Variants in AGO3 observed in about 807,000 individuals in gnomAD.
AGO3 encodes argonaute RISC catalytic component 3, also known as protein argonaute-3.
AGO3 carries 16 observed loss-of-function variants against 105.5 expected under a neutral mutation model. The ratio of observed to expected loss-of-function variants is 0.15; its 90% CI spans 0.10 to 0.23. AGO3 has a LOEUF of 0.23. Among genes scored for constraint, AGO3 ranks in the 10% least tolerant of loss-of-function variants. The pLI is 1.00. For synonymous variants in AGO3, 340 were observed against 367.3 expected (o/e 0.93, Z 0.85); for missense variants, 534 against 1,088.0 (o/e 0.49, Z 7.16).
chr1:35,976,763 C>T (rs1646963166), intron 5 of AGO3, among the ~76,000 whole-genome samples: 1 of 152,060 alleles, frequency 6.6e-6, no homozygotes, highest in African/African-American at 2.4e-5. Context: ...TTAATTGATG[C>T]TGGATTCTGT....
At chr1:35,945,127 G>A (rs1646337517) in intron 1 of AGO3, among the ~76,000 whole-genome samples, 1 of 151,946 alleles carries the variant, frequency 6.6e-6, no homozygotes. Context: ...TACTTACCTT[G>A]TCAAATAATC....
In AGO3 at chr1:36,057,241, T is replaced by A. The variant is rs1167844777; in HGVS notation, c.*1496T>A. The A allele has an allele frequency of 1.3e-5, 2 of 151,842 alleles. No homozygotes were observed. Among genetic ancestry groups the A allele is most frequent in the Non-Finnish European group, 2.9e-5 (2 of 68,022 alleles). The allele number at this position is 151,842 out of a possible 1,614,324, so 9.4% of individuals were successfully genotyped here. On this transcript the variant is annotated 3_prime_UTR_variant, in exon 19 of 19. Transcript: ENST00000373191. ...TCTGTAGGGTTGAGACCTCTGAAAT[T>A]GAGTAGAGAGAAGAGTTTGTTGAGG...
chr1:35,975,980 C>T (rs557470855), intron 5 of AGO3, among the ~76,000 whole-genome samples: 1 of 150,118 alleles, frequency 6.7e-6, no homozygotes, highest in South Asian at 2.1e-4. Context: ...CAGAGTTTCG[C>T]TCTGGAGTAC....
chr1:36,025,167 C>G (rs1427558089), intron 11 of AGO3, among the ~76,000 whole-genome samples: 1 of 152,082 alleles, frequency 6.6e-6, no homozygotes, highest in African/African-American at 2.4e-5. Flanking sequence ...TACCTCAGGC[C>G]ATTTCAGAAT....
chr1:36,005,784 T>C (rs1640308809), intron 6 of AGO3: 2 of 985,202 alleles, frequency 2.0e-6, no homozygotes, highest in Non-Finnish European at 2.4e-6. Context: ...GATCTTAACT[T>C]CAACTGCTCA....
intron 1 of AGO3, 125 bp downstream of exon 1, chr1:35,931,570 G>GC (rs1406217073): frequency 5.6e-6 from 6 of 1,070,568 alleles, no homozygotes; most frequent in Non-Finnish European, 7.4e-6. Context: ...TCGGTCTCCC[G>GC]CCCCTCGCCC....
Position 36,013,897 on chromosome 1 carries a change from T to A in AGO3, c.1273-18T>A. On this transcript the variant is annotated intron_variant, in intron 10 of 18. Transcript: ENST00000373191. ...TTTTTGTTCTTTTTCACCATGTTAT[T>A]TTTTTCTCCTCGTGTAGAATCGGAC... is the stretch of plus-strand genomic sequence containing the variant. 6.2e-7 allele frequency: 1 copy of A among 1,602,358 alleles called. No homozygotes were observed. The highest frequency in any genetic ancestry group is 8.5e-7 in the Non-Finnish European group (1 of 1,173,874).
chr1:35,996,260 G>A (rs748926860), intron 5 of AGO3, among the ~76,000 whole-genome samples: 3 of 151,598 alleles, frequency 2.0e-5, no homozygotes, highest in Non-Finnish European at 4.4e-5. Context: ...AGGAGTTAGA[G>A]GTTGCAGTAA....
intron 11 of AGO3, among the ~76,000 whole-genome samples, chr1:36,026,380 T>C (rs910153024): frequency 2.0e-5 from 3 of 152,106 alleles, no homozygotes; most frequent in Non-Finnish European, 2.9e-5. Flanking sequence ...ATTGCTGGGA[T>C]TATAGGTGTG....
chr1:36,007,699 A>G (rs938840063), intron 6 of AGO3, among the ~76,000 whole-genome samples: 4 of 152,146 alleles, frequency 2.6e-5, no homozygotes, highest in African/African-American at 9.7e-5. Context: ...ACTAAAAAAA[A>G]AAAACCTAAA....
At chr1:35,982,947 G>A (rs1647080639) in intron 5 of AGO3, 1 of 278,118 alleles carries the variant, frequency 3.6e-6, no homozygotes. Flanking sequence ...GAACCAGTAC[G>A]AAGTATAGAG....
At chr1:36,025,486 C>T (rs960068852) in intron 11 of AGO3, among the ~76,000 whole-genome samples, 3 of 149,052 alleles carry the variant, frequency 2.0e-5, no homozygotes, top group African/African-American at 5.0e-5. Context: ...ATTTGTTATT[C>T]GCAGCTTGAA....
chr1:36,042,567 C>T (rs901789161), intron 16 of AGO3, among the ~76,000 whole-genome samples: 4 of 152,090 alleles, frequency 2.6e-5, no homozygotes, highest in Non-Finnish European at 5.9e-5. Flanking sequence ...CAGTCACTCA[C>T]GTGGCAAAAA....
At position 36,055,802 on chromosome 1, in the gene AGO3, TA is replaced by T; in HGVS notation, c.*58del. The T allele has an allele frequency of 3.2e-6, 5 of 1,573,414 alleles. No individual in the cohort carries two copies. Among genetic ancestry groups the T allele is most frequent in the South Asian group, 1.1e-5 (1 of 89,634 alleles). Reference sequence around the variant, plus strand: ...CTGAAAGATGAATTGACATACAACGTATGTTTCCAGTGAAGTCAATTGAGTA... The same window carrying T: ...CTGAAAGATGAATTGACATACAACGTTGTTTCCAGTGAAGTCAATTGAGTA... On this transcript the variant is annotated 3_prime_UTR_variant, in exon 19 of 19. Transcript: ENST00000373191. This position sits in a 1 kb window ranked among gnomAD's most constrained non-coding sequence, Gnocchi z 4.4.
At chr1:35,990,534 T>C (rs545621168) in intron 5 of AGO3, among the ~76,000 whole-genome samples, 2 of 152,302 alleles carry the variant, frequency 1.3e-5, no homozygotes, top group African/African-American at 4.8e-5. Flanking sequence ...TTGTTTACTG[T>C]TACTTTTCAG....
At chr1:35,943,601 CTTT>C (rs59873910) in intron 1 of AGO3, among the ~76,000 whole-genome samples, 53 of 123,396 alleles carry the variant, frequency 4.3e-4, no homozygotes, top group East Asian at 2.4e-3. Context: ...ACCCCCAGCC[CTTT>C]TTTTTTTTTT....
rs141978570 is a variant in AGO3 at position 35,993,738 on chromosome 1, C to CTTTTTTTT, written c.659-10584_659-10577dup. 1.5e-3 allele frequency among the ~76,000 whole-genome samples: 139 copies of CTTTTTTTT among 90,780 alleles called. 2 individuals carry two copies. Among genetic ancestry groups the CTTTTTTTT allele is most frequent in the African/African-American group, 6.5e-3 (130 of 19,850 alleles). 59.6% of individuals were successfully genotyped at this position (90,780 alleles called of 152,430 possible). On this transcript the variant is annotated intron_variant, in intron 5 of 18. Transcript: ENST00000373191. Reference sequence around the variant, plus strand: ...AGGCTTCCCCAACCACCACCCCCTGCTTTTTTTTTTTTTTTTTTTTTTTTT... The same window carrying CTTTTTTTT: ...AGGCTTCCCCAACCACCACCCCCTGCTTTTTTTTTTTTTTTTTTTTTTTTTTTTTTTTT...
chr1:36,042,780 C>T (rs1642303918), intron 16 of AGO3, among the ~76,000 whole-genome samples: 1 of 152,082 alleles, frequency 6.6e-6, no homozygotes, highest in Admixed American at 6.6e-5. Context: ...TCATGGTGTC[C>T]TCTTACAAGA....
rs1313902078 is a variant in AGO3, at chr1:35,996,222, G to A, written c.659-8119G>A. 6.6e-5 allele frequency among the ~76,000 whole-genome samples: 10 copies of A among 151,702 alleles called. No individual in the cohort carries two copies. The South Asian group carries it at 1.5e-3, about 22-fold the overall frequency. On this transcript the variant is annotated intron_variant, in intron 5 of 18. Transcript: ENST00000373191. ...TGCCTCTATTCCCAGCTTCTTAGGA[G>A]GATGAGGTGAGAAGATTACTTGAGC... is the stretch of plus-strand genomic sequence containing the variant.
Sources: allele counts gnomAD v4.1 joint callset (sites outside exome capture counted in the v4.1 genomes callset), GRCh38; gene constraint gnomAD v4.1.1; non-coding constraint Gnocchi (gnomAD v3.1); transcripts MANE v1.5; gene names NCBI Gene and HGNC (gene_info 2026-07-23, HGNC 2026-07-21).